NXPH1: variants seen among roughly 807,000 people sequenced by gnomAD.
The protein encoded by NXPH1 is neurexophilin 1.
A neutral mutation model predicts 23.7 loss-of-function variants in NXPH1; 5 were observed. The observed-to-expected ratio is 0.21, with a 90% CI of 0.11 to 0.44. The LOEUF is 0.44. Among genes scored for constraint, NXPH1 ranks in the 20% least tolerant of loss-of-function variants. The pLI, the probability that NXPH1 is intolerant of heterozygous loss-of-function variation, is 0.99. For synonymous variants in NXPH1, 144 were observed against 122.2 expected (o/e 1.18, Z -1.18); for missense variants, 324 against 321.6 (o/e 1.01, Z -0.06).
chr7:8,615,659 C>T (rs1299471200), intron 2 of NXPH1, among the ~76,000 whole-genome samples: 2 of 152,036 alleles, frequency 1.3e-5, no homozygotes, highest in African/African-American at 2.4e-5. Flanking sequence ...TCCTTCTTTC[C>T]CTTTCCTTGC....
chr7:8,456,843 T>G (rs1488457128), intron 2 of NXPH1, among the ~76,000 whole-genome samples: 3 of 152,098 alleles, frequency 2.0e-5, no homozygotes, highest in African/African-American at 7.2e-5. Flanking sequence ...GAAAGAGACA[T>G]TTTGCTTTTG....
At chr7:8,572,295 T>C (rs1818664267) in intron 2 of NXPH1, among the ~76,000 whole-genome samples, 1 of 151,998 alleles carries the variant, frequency 6.6e-6, no homozygotes, top group African/African-American at 2.4e-5. Context: ...GTTTAAGGGC[T>C]AAGCTGAGAA....
chr7:8,583,577 G>T (rs1818924316), intron 2 of NXPH1, among the ~76,000 whole-genome samples: 1 of 152,186 alleles, frequency 6.6e-6, no homozygotes, highest in Non-Finnish European at 1.5e-5. Context: ...GTTGCAGGGG[G>T]TTTAAGAAAT....
intron 2 of NXPH1, among the ~76,000 whole-genome samples, chr7:8,456,944 C>A (rs1816605663): frequency 6.6e-6 from 1 of 152,146 alleles, no homozygotes; most frequent in Non-Finnish European, 1.5e-5. Flanking sequence ...CTCTAACTCT[C>A]TATCCTTCTT....
At chr7:8,525,509 A>G (rs1308708363) in intron 2 of NXPH1, among the ~76,000 whole-genome samples, 3 of 152,212 alleles carry the variant, frequency 2.0e-5, no homozygotes, top group Admixed American at 6.5e-5. Context: ...GACCATGGGG[A>G]AAATGTCTCC....
intron 2 of NXPH1, among the ~76,000 whole-genome samples, chr7:8,483,928 CACAGCTA>C: frequency 6.7e-6 from 1 of 149,272 alleles, no homozygotes. Flanking sequence ...CCTATGCAAG[CACAGCTA>C]GCAACTAGAA....
In NXPH1 at chr7:8,570,354, G is replaced by A. The variant is rs185172033; in HGVS notation, c.54+134587G>A. Among the ~76,000 whole-genome samples, 5 of 152,026 alleles carry A rather than the reference G, an allele frequency of 3.3e-5. No individual in the cohort carries two copies. The East Asian group carries it at 7.8e-4, about 24-fold the overall frequency. ...CCTGGCTCTGGCATGAATAAGCTGC[G>A]TGATCCTGGGCAAAGTCATCTTTTT... On this transcript the variant is annotated intron_variant, in intron 2 of 2. Transcript: ENST00000405863.
chr7:8,494,771 A>T (rs1268583748), intron 2 of NXPH1, among the ~76,000 whole-genome samples: 1 of 152,050 alleles, frequency 6.6e-6, no homozygotes, highest in East Asian at 1.9e-4. Context: ...AATTTCATGG[A>T]TGAATCTGCA....
chr7:8,726,251 G>C (rs1780050552), intron 2 of NXPH1, among the ~76,000 whole-genome samples: 1 of 150,780 alleles, frequency 6.6e-6, no homozygotes, highest in South Asian at 2.1e-4. Context: ...TGGAAGGTAA[G>C]TCAATCCTTC....
chr7:8,567,082 A>G (rs1008218475), intron 2 of NXPH1, among the ~76,000 whole-genome samples: 1 of 151,828 alleles, frequency 6.6e-6, no homozygotes, highest in African/African-American at 2.4e-5. Context: ...CTTTTCTACG[A>G]ATCTTCATTA....
At chr7:8,615,273 C>A (rs112087154) in intron 2 of NXPH1, among the ~76,000 whole-genome samples, 3 of 151,992 alleles carry the variant, frequency 2.0e-5, no homozygotes, top group Non-Finnish European at 4.4e-5. Flanking sequence ...GGAGGCAGTG[C>A]GCATGGTGGC....
At chr7:8,646,077 T>A (rs1820395506) in intron 2 of NXPH1, among the ~76,000 whole-genome samples, 1 of 152,130 alleles carries the variant, frequency 6.6e-6, no homozygotes, top group Admixed American at 6.5e-5. Flanking sequence ...TTTTGAAAAA[T>A]TGACATCTTT....
chr7:8,652,390 A>G (rs1433584398), intron 2 of NXPH1, among the ~76,000 whole-genome samples: 1 of 152,104 alleles, frequency 6.6e-6, no homozygotes, highest in African/African-American at 2.4e-5. Flanking sequence ...AGGTTTTATC[A>G]TTTCTTTTTA....
intron 2 of NXPH1, among the ~76,000 whole-genome samples, chr7:8,441,501 G>A (rs930015131): frequency 6.6e-5 from 10 of 152,038 alleles, no homozygotes; most frequent in Non-Finnish European, 1.5e-4. Flanking sequence ...ACTTAATCAA[G>A]GATAAAAAGG....
At chr7:8,457,061 GA>G (rs1563315600) in intron 2 of NXPH1, among the ~76,000 whole-genome samples, 1 of 152,122 alleles carries the variant, frequency 6.6e-6, no homozygotes. Context: ...TGCTTGATAC[GA>G]GGGTTTTTAA....
chr7:8,553,903 G>A (rs1387756917), intron 2 of NXPH1, among the ~76,000 whole-genome samples: 1 of 151,618 alleles, frequency 6.6e-6, no homozygotes. Flanking sequence ...GAGATTTCCT[G>A]TGGCATTGGA....
Position 8,674,203 on chromosome 7 carries a change from A to ACACACC in NXPH1, c.55-76804_55-76803insACACCC, listed in dbSNP as rs749254159. Among the ~76,000 whole-genome samples, 811 of 115,356 alleles carry ACACACC rather than the reference A, an allele frequency of 7.0e-3. 16 individuals are homozygous for ACACACC. The highest frequency in any genetic ancestry group is 0.012 in the African/African-American group (421 of 34,318). 75.7% of individuals were successfully genotyped at this position (115,356 alleles called of 152,430 possible). ...CACACACACACACACACACACACAC[A>ACACACC]CCTATGCAATTCAATCCTTGCTGCA... On this transcript the variant is annotated intron_variant, in intron 2 of 2. Coordinates refer to ENST00000405863, the MANE Select transcript of NXPH1 (RefSeq NM_152745.3).
chr7:8,642,315 T>C (rs1247373970), intron 2 of NXPH1, among the ~76,000 whole-genome samples: 1 of 152,222 alleles, frequency 6.6e-6, no homozygotes, highest in Non-Finnish European at 1.5e-5. Flanking sequence ...CAGATTCCAA[T>C]GTTGCTGTAA....
chr7:8,467,045 C>T (rs901479613), intron 2 of NXPH1, among the ~76,000 whole-genome samples: 16 of 152,098 alleles, frequency 1.1e-4, no homozygotes, highest in Non-Finnish European at 2.2e-4. Context: ...AATATAAATG[C>T]AAGAAATATA....
Sources: allele counts gnomAD v4.1 joint callset (sites outside exome capture counted in the v4.1 genomes callset), GRCh38; gene constraint gnomAD v4.1.1; transcripts MANE v1.5; gene names NCBI Gene and HGNC (gene_info 2026-07-23, HGNC 2026-07-21).